GRIP1: variants seen among roughly 807,000 people sequenced by gnomAD.
GRIP1 encodes glutamate receptor interacting protein 1.
GRIP1 carries 45 observed loss-of-function variants against 129.9 expected under a neutral mutation model. That is an observed-to-expected ratio of 0.35 (90% CI 0.27 to 0.44). The LOEUF is 0.44. Ranked by LOEUF, GRIP1 falls within the 20% of genes least tolerant of loss-of-function variation. The pLI is 1.00. For synonymous variants in GRIP1, 530 were observed against 520.8 expected (o/e 1.02, Z -0.24); for missense variants, 1,196 against 1,396.8 (o/e 0.86, Z 2.29).
At chr12:66,887,851 G>GA (rs1208527322) in intron 1 of GRIP1, among the ~76,000 whole-genome samples, 2 of 151,982 alleles carry the variant, frequency 1.3e-5, no homozygotes, top group East Asian at 1.9e-4. Flanking sequence ...CACCAAAAGA[G>GA]AAAAAAATGC....
intron 1 of GRIP1, among the ~76,000 whole-genome samples, chr12:67,025,279 T>C (rs1015949418): frequency 1.3e-5 from 2 of 152,130 alleles, no homozygotes; most frequent in Non-Finnish European, 2.9e-5. Context: ...AGGTGGAGGT[T>C]GCAGTAAGCT....
chr12:67,045,835 C>T (rs1337700631), intron 1 of GRIP1, among the ~76,000 whole-genome samples: 23 of 152,098 alleles, frequency 1.5e-4, no homozygotes, highest in Admixed American at 6.6e-5. Flanking sequence ...GTGACAGGGC[C>T]GGGGCTGTCA....
chr12:67,047,280 CT>C (rs2043268552), intron 1 of GRIP1, among the ~76,000 whole-genome samples: 1 of 152,080 alleles, frequency 6.6e-6, no homozygotes, highest in Non-Finnish European at 1.5e-5. Context: ...TTAATGTTCA[CT>C]TTACTAACTT....
chr12:66,658,874 T>C (rs947012869), intron 1 of GRIP1, among the ~76,000 whole-genome samples: 1 of 151,550 alleles, frequency 6.6e-6, no homozygotes, highest in Non-Finnish European at 1.5e-5. Context: ...CAGTGAGCCA[T>C]GATCATGCCA....
At chr12:66,724,542 C>T (rs548437858) in intron 1 of GRIP1, among the ~76,000 whole-genome samples, 17 of 152,302 alleles carry the variant, frequency 1.1e-4, no homozygotes, top group African/African-American at 3.9e-4. Flanking sequence ...CCTCCTCTTG[C>T]TTCAGTGAGG....
chr12:66,711,331 C>A (rs565259092), intron 1 of GRIP1, among the ~76,000 whole-genome samples: 1 of 151,922 alleles, frequency 6.6e-6, no homozygotes, highest in Non-Finnish European at 1.5e-5. Flanking sequence ...TTAGTAAATA[C>A]ATGTCTCTGG....
intron 1 of GRIP1, among the ~76,000 whole-genome samples, chr12:66,688,046 T>G (rs111751677): frequency 6.6e-6 from 1 of 152,026 alleles, no homozygotes; most frequent in Non-Finnish European, 1.5e-5. Flanking sequence ...CAGAGGAAAA[T>G]AGAGTCGAGG....
At chr12:66,916,207 A>G (rs2041118939) in intron 1 of GRIP1, among the ~76,000 whole-genome samples, 1 of 152,244 alleles carries the variant, frequency 6.6e-6, no homozygotes, top group Non-Finnish European at 1.5e-5. Context: ...GTTCAAAATT[A>G]GTGGACAAAA....
In GRIP1 at chr12:66,348,625, A is replaced by ATAGT. The variant is rs2054084626; in HGVS notation, c.*390_*393dup. On this transcript the variant is annotated 3_prime_UTR_variant, in exon 25 of 25. Transcript: ENST00000359742. ...GCCAAGTTCTTACATTAATGACTTCATAGTAAGAAACTGATTTCAAAGTGA... is the reference window on the plus strand; with the variant it reads ...GCCAAGTTCTTACATTAATGACTTCATAGTTAGTAAGAAACTGATTTCAAAGTGA... 1 of 226,928 alleles carries ATAGT rather than the reference A, an allele frequency of 4.4e-6. No homozygotes were observed. Among genetic ancestry groups the ATAGT allele is most frequent in the South Asian group, 6.8e-5 (1 of 14,776 alleles). 14.1% of individuals were successfully genotyped at this position (226,928 alleles called of 1,614,324 possible).
chr12:66,441,319 C>T (rs2058467049), intron 13 of GRIP1, among the ~76,000 whole-genome samples: 1 of 152,170 alleles, frequency 6.6e-6, no homozygotes, highest in African/African-American at 2.4e-5. Flanking sequence ...ATCGCCTTTG[C>T]TCACACTTTT....
chr12:66,694,680 ATTAAC>A (rs1482989564), intron 1 of GRIP1, among the ~76,000 whole-genome samples: 4 of 152,220 alleles, frequency 2.6e-5, no homozygotes, highest in Non-Finnish European at 5.9e-5. Flanking sequence ...TGCTGGTGAT[ATTAAC>A]TTATTATTTC....
intron 1 of GRIP1, among the ~76,000 whole-genome samples, chr12:66,621,885 G>T (rs575323925): frequency 2.7e-4 from 41 of 152,106 alleles, no homozygotes; most frequent in African/African-American, 9.9e-4. Context: ...GCCCATTTGT[G>T]TATCTTCTTT....
chr12:66,792,056 G>T (rs1240639858), intron 1 of GRIP1, among the ~76,000 whole-genome samples: 2 of 152,128 alleles, frequency 1.3e-5, no homozygotes, highest in Non-Finnish European at 2.9e-5. Context: ...GAGATTTTAT[G>T]AAACTTTTGA....
intron 1 of GRIP1, among the ~76,000 whole-genome samples, chr12:66,627,460 A>C (rs1370402856): frequency 6.6e-6 from 1 of 152,230 alleles, no homozygotes; most frequent in Non-Finnish European, 1.5e-5. Context: ...TATATGTCTG[A>C]CAAGTGTCAA....
At chr12:66,809,748 C>T (rs1030296448) in intron 1 of GRIP1, among the ~76,000 whole-genome samples, 25 of 151,894 alleles carry the variant, frequency 1.6e-4, no homozygotes, top group Admixed American at 6.6e-4. Context: ...CAGCCTCCAC[C>T]TCTCAGGGTC....
intron 1 of GRIP1, among the ~76,000 whole-genome samples, chr12:66,765,756 G>A (rs2037616397): frequency 1.3e-5 from 2 of 152,194 alleles, no homozygotes; most frequent in Non-Finnish European, 2.9e-5. Flanking sequence ...AAAGCTGAAG[G>A]AGTATTTTTC....
chr12:66,430,424 G>A (rs145423431), intron 14 of GRIP1, among the ~76,000 whole-genome samples: 51 of 152,302 alleles, frequency 3.3e-4, no homozygotes, highest in African/African-American at 1.1e-3. Context: ...GCGTTTGCTT[G>A]TGGCTGGCTA....
intron 1 of GRIP1, among the ~76,000 whole-genome samples, chr12:66,600,858 C>T (rs1272633125): frequency 6.6e-6 from 1 of 152,216 alleles, no homozygotes; most frequent in Non-Finnish European, 1.5e-5. Context: ...AGCTACTGCT[C>T]GCTGAAATGA....
intron 1 of GRIP1, among the ~76,000 whole-genome samples, chr12:66,692,512 G>C (rs1431806034): frequency 6.6e-6 from 1 of 151,982 alleles, no homozygotes; most frequent in Non-Finnish European, 1.5e-5. Flanking sequence ...ATCTAGCAAA[G>C]GATTTATGAT....
Sources: allele counts gnomAD v4.1 joint callset (sites outside exome capture counted in the v4.1 genomes callset), GRCh38; gene constraint gnomAD v4.1.1; transcripts MANE v1.5; gene names NCBI Gene and HGNC (gene_info 2026-07-23, HGNC 2026-07-21).